Variants in DHRS7 observed in about 807,000 individuals in gnomAD.
The protein encoded by DHRS7 is dehydrogenase/reductase 7.
In DHRS7, 34 loss-of-function variants were observed where a neutral mutation model predicts 38.9. The observed-to-expected ratio is 0.87, with a 90% confidence interval of 0.66 to 1.16. The LOEUF is 1.16. Among genes scored for constraint, DHRS7 ranks in the 50% most tolerant of loss-of-function variants. DHRS7 has a pLI of 0.00. For missense variants in DHRS7, 421 were observed against 407.0 expected, an observed-to-expected ratio of 1.03 and a Z score of -0.30; for synonymous variants, 158 against 153.1, an observed-to-expected ratio of 1.03 and a Z score of -0.24.
intron 4 of DHRS7, among the ~76,000 whole-genome samples, chr14:60,150,915 A>AT (rs1896530668): frequency 6.6e-6 from 1 of 152,124 alleles, no homozygotes; most frequent in Non-Finnish European, 1.5e-5. Flanking sequence ...AAAAAGAACT[A>AT]TCCCTATAGA....
chr14:60,155,763 T>C (rs780397971), intron 2 of DHRS7: 13 of 322,184 alleles, frequency 4.0e-5, no homozygotes, highest in Non-Finnish European at 5.0e-5. Flanking sequence ...TTTTATATAA[T>C]TGTTGGTCAC....
At chr14:60,160,803 C>T (rs1230932413) in intron 1 of DHRS7, among the ~76,000 whole-genome samples, 2 of 152,030 alleles carry the variant, frequency 1.3e-5, no homozygotes, top group African/African-American at 4.8e-5. Flanking sequence ...GTTGCCTAGG[C>T]TGGTCTCGAA....
intron 1 of DHRS7, among the ~76,000 whole-genome samples, chr14:60,158,543 CA>C (rs1324200217): frequency 2.0e-5 from 3 of 151,652 alleles, no homozygotes; most frequent in African/African-American, 7.2e-5. Flanking sequence ...CACACATAAG[CA>C]AATATTTAAA....
intron 1 of DHRS7, among the ~76,000 whole-genome samples, chr14:60,163,927 C>G (rs1896813171): frequency 6.6e-6 from 1 of 152,156 alleles, no homozygotes; most frequent in Non-Finnish European, 1.5e-5. Context: ...AACAATCGAT[C>G]AAGAGAAAGC....
chr14:60,155,312 G>T (rs961539253), intron 2 of DHRS7, among the ~76,000 whole-genome samples: 4 of 152,066 alleles, frequency 2.6e-5, no homozygotes, highest in African/African-American at 7.2e-5. Flanking sequence ...AGCTGGGTGT[G>T]GTGGTGCACG....
rs577095838 is a variant in DHRS7 at position 60,161,851 on chromosome 14, G to A, written c.133+3326C>T. The stretch of plus-strand genomic sequence containing the variant: ...CCGGCACATACAAGCAGCTAGTCAG[G>A]AGACATCTGTTGTTTGCAGTTGTTG... On this transcript the variant is annotated intron_variant, in intron 1 of 6. Transcript: ENST00000557185. This position sits in a 1 kb window ranked among gnomAD's most constrained non-coding sequence, Gnocchi z 4.2. Among the ~76,000 whole-genome samples the A allele has an allele frequency of 6.6e-6, 1 of 152,300 alleles. No homozygotes were observed. Among genetic ancestry groups the A allele is most frequent in the Admixed American group, 6.5e-5 (1 of 15,294 alleles).
At position 60,165,234 on chromosome 14, in the gene DHRS7, G is replaced by T; in HGVS notation, c.76C>A (p.Leu26Met). The change falls in exon 1 of 7, where the codon CTG becomes ATG. Residue 26 changes from leucine (L) to methionine (M), a missense_variant. Physicochemically the swap from Leu to Met is conservative, Grantham distance 15. Coordinates refer to ENST00000557185, the MANE Select transcript of DHRS7 (RefSeq NM_016029.4). The surrounding 1 kb of genome is among the most constrained non-coding windows in gnomAD (Gnocchi z 4.6). The stretch of plus-strand genomic sequence containing the variant: ...AGCGTCAGGTCGCCGTCAGCCCTCA[G>T]GAAGCGCAGCAGCTGCACCAAGAGC... ...LLLLVQLLRF[L>M]RADGDLTLLW... 6.2e-7 allele frequency: 1 copy of T among 1,611,312 alleles called. No individual in the cohort carries two copies.
intron 1 of DHRS7, among the ~76,000 whole-genome samples, chr14:60,160,724 C>G (rs546112623): frequency 2.6e-5 from 4 of 152,230 alleles, no homozygotes; most frequent in African/African-American, 9.6e-5. Flanking sequence ...GCTGGGACTA[C>G]AGGCGTGTAC....
Position 60,145,418 on chromosome 14 carries a change from C to T in DHRS7, c.973-405G>A, listed in dbSNP as rs1284988697. Reference sequence around the variant, plus strand: ...TTGTGGCCAGGCAGGCACTGTGGCTCATGCCTGTAATCCCAGCACTTTGGG... The same window carrying T: ...TTGTGGCCAGGCAGGCACTGTGGCTTATGCCTGTAATCCCAGCACTTTGGG... On this transcript the variant is annotated intron_variant, in intron 6 of 6. Coordinates refer to ENST00000557185, the MANE Select transcript of DHRS7 (RefSeq NM_016029.4). This position sits in a 1 kb window ranked among gnomAD's most constrained non-coding sequence, Gnocchi z 4.0. 2.0e-5 allele frequency: 3 copies of T among 152,918 alleles called. No homozygotes were observed. The highest frequency in any genetic ancestry group is 2.0e-4 in the Admixed American group (3 of 15,310). The allele number at this position is 152,918 out of a possible 1,614,324, so 9.5% of individuals were successfully genotyped here. A position where few individuals can be genotyped will look rare whatever the true frequency, so the allele number is the denominator to read the frequency against.
Position 60,153,835 on chromosome 14 carries a change from A to C in DHRS7, c.393+124T>G. 1.4e-6 allele frequency: 1 copy of C among 711,168 alleles called. No individual in the cohort carries two copies. Among genetic ancestry groups the C allele is most frequent in the Non-Finnish European group, 2.4e-6 (1 of 414,414 alleles). 44.1% of individuals were successfully genotyped at this position (711,168 alleles called of 1,614,324 possible). A position where few individuals can be genotyped will look rare whatever the true frequency, so the allele number is the denominator to read the frequency against. ...GCTCAGAGATTAAGGGGCCCAACTC[A>C]TGGGCCCGATCTCACTGCATGGACC... On this transcript the variant is annotated intron_variant, in intron 3 of 6. Transcript: ENST00000557185. This position sits in a 1 kb window ranked among gnomAD's most constrained non-coding sequence, Gnocchi z 4.4.
upstream of DHRS7, among the ~76,000 whole-genome samples, chr14:60,166,631 C>G (rs1349530587): frequency 5.1e-5 from 7 of 137,176 alleles, no homozygotes; most frequent in Non-Finnish European, 4.5e-5. Context: ...TATTATAAAC[C>G]CCCTACCTGC....
chr14:60,152,728 T>G (rs1475075160), intron 4 of DHRS7: 12 of 589,462 alleles, frequency 2.0e-5, no homozygotes, highest in Non-Finnish European at 3.0e-5. Flanking sequence ...ATGCAGTGCT[T>G]GATACATATT....
chr14:60,167,261 CAAAAATT>C (rs995836034), upstream of DHRS7, among the ~76,000 whole-genome samples: 2 of 152,188 alleles, frequency 1.3e-5, no homozygotes, highest in African/African-American at 4.8e-5. Context: ...TGTGTACCCA[CAAAAATT>C]AAAAATTAAA....
At chr14:60,151,637 A>G (rs1465868976) in intron 4 of DHRS7, among the ~76,000 whole-genome samples, 2 of 152,192 alleles carry the variant, frequency 1.3e-5, no homozygotes, top group African/African-American at 4.8e-5. Context: ...AAGCAAGCCA[A>G]TATATCAAAC....
upstream of DHRS7, chr14:60,168,985 G>A: frequency 2.6e-6 from 1 of 386,598 alleles, no homozygotes. Context: ...AACATACATT[G>A]CACCGAGGCT....
chr14:60,169,545 T>C (rs889291100), upstream of DHRS7, among the ~76,000 whole-genome samples: 2 of 152,234 alleles, frequency 1.3e-5, no homozygotes, highest in African/African-American at 4.8e-5. Context: ...GATGAGTTTG[T>C]CAAATATATA....
chr14:60,155,380 C>T (rs576418671), intron 2 of DHRS7, among the ~76,000 whole-genome samples: 5 of 152,010 alleles, frequency 3.3e-5, no homozygotes, highest in Admixed American at 1.3e-4. Context: ...ACCTGTGAGG[C>T]GGAAGTTGCA....
At chr14:60,155,783 CCAAGAGT>C in intron 2 of DHRS7, 2 of 363,934 alleles carry the variant, frequency 5.5e-6, no homozygotes, top group East Asian at 8.4e-5. Flanking sequence ...CTCCCTAATG[CCAAGAGT>C]CAGTGCAAAA....
Position 60,160,902 on chromosome 14 carries a change from A to G in DHRS7, c.133+4275T>C, listed in dbSNP as rs140343256. ...TACCGCATCTGGCCAACTTTGACTA[A>G]TCTTATGTACCACATCTGGAAGAGA... On this transcript the variant is annotated intron_variant, in intron 1 of 6. Transcript: ENST00000557185. 5.3e-3 allele frequency among the ~76,000 whole-genome samples: 808 copies of G among 152,236 alleles called. 6 individuals are homozygous for G. Among genetic ancestry groups the G allele is most frequent in the African/African-American group, 0.019 (769 of 41,552 alleles).
Sources: gnomAD v4.1 joint callset for allele counts (sites outside exome capture counted in the v4.1 genomes callset) on GRCh38, gnomAD v4.1.1 for gene constraint, Gnocchi (gnomAD v3.1) non-coding constraint, MANE v1.5 for transcripts, NCBI Gene and HGNC (gene_info 2026-07-23, HGNC 2026-07-21) for gene names.